SGCD: variants seen among roughly 807,000 people sequenced by gnomAD.
SGCD encodes delta-sarcoglycan.
A neutral mutation model predicts 36.6 loss-of-function variants in SGCD; 18 were observed. The observed-to-expected ratio is 0.49, with a 90% CI of 0.34 to 0.73. SGCD has a LOEUF of 0.73. Ranked by LOEUF, SGCD falls within the 30% of genes least tolerant of loss-of-function variation. SGCD has a pLI of 0.01. For missense variants in SGCD, 387 were observed against 346.7 expected (o/e 1.12, Z -0.92); for synonymous variants, 133 against 130.6 (o/e 1.02, Z -0.12).
chr5:156,757,667 G>A lies in SGCD; in HGVS notation c.662G>A (p.Cys221Tyr), dbSNP rs1561899959. Reference sequence around the variant, plus strand: ...GAAGCTGGCAATATGGAAGCCACCTGCAGGACAGAGCTGAGACTGGAATCC... The same window carrying A: ...GAAGCTGGCAATATGGAAGCCACCTACAGGACAGAGCTGAGACTGGAATCC... ...NAEAGNMEAT[C>Y]RTELRLESKD... is the part of the protein sequence containing the mutation. The change falls in exon 8 of 9, where the codon TGC becomes TAC. Residue 221 changes from cysteine to tyrosine, a missense_variant. Physicochemically the swap from Cys to Tyr is radical, Grantham distance 194. Coordinates refer to ENST00000337851, the MANE Select transcript of SGCD (RefSeq NM_000337.6). The A allele has an allele frequency of 1.2e-6, 2 of 1,608,912 alleles. No homozygotes were observed. Among genetic ancestry groups the A allele is most frequent in the South Asian group, 1.1e-5 (1 of 89,664 alleles).
intron 1 of SGCD, among the ~76,000 whole-genome samples, chr5:156,043,935 C>G (rs1759699742): frequency 6.6e-6 from 1 of 151,984 alleles, no homozygotes; most frequent in African/African-American, 2.4e-5. Context: ...GGGTAAAACA[C>G]TGGAGAAAAC....
intron 3 of SGCD, among the ~76,000 whole-genome samples, chr5:156,267,484 T>G (rs1412125484): frequency 6.6e-6 from 1 of 152,232 alleles, no homozygotes. Flanking sequence ...TTGATAATTC[T>G]GACCTGCCGG....
intron 3 of SGCD, among the ~76,000 whole-genome samples, chr5:156,126,984 C>T (rs1762187879): frequency 6.6e-6 from 1 of 152,072 alleles, no homozygotes. Context: ...AATTCATGTG[C>T]TTTGCTAAAA....
At chr5:156,054,435 G>A (rs112068414) in intron 1 of SGCD, among the ~76,000 whole-genome samples, 9,728 of 144,242 alleles carry the variant, frequency 0.067, 1,458 homozygotes, top group African/African-American at 0.22. Flanking sequence ...ACAGGCACCC[G>A]CCACCACGCC....
intron 3 of SGCD, among the ~76,000 whole-genome samples, chr5:156,202,224 T>C (rs1764169446): frequency 1.3e-5 from 2 of 152,214 alleles, no homozygotes; most frequent in Non-Finnish European, 2.9e-5. Context: ...GATGGTTTCC[T>C]TAAACTGGAT....
chr5:155,964,907 A>G (rs1757872983), intron 1 of SGCD, among the ~76,000 whole-genome samples: 1 of 152,128 alleles, frequency 6.6e-6, no homozygotes, highest in South Asian at 2.1e-4. Context: ...AGCTATTTGT[A>G]CAAATGAATG....
At chr5:155,799,841 G>T in the SGCD span, among the ~76,000 whole-genome samples, 5,413 of 91,870 alleles carry the variant, frequency 0.059, 179 homozygotes, top group Middle Eastern at 0.19. Context: ...TTTTTTTGGA[G>T]ATGGAGTCTC....
At chr5:156,515,568 C>T (rs1160311572) in intron 4 of SGCD, among the ~76,000 whole-genome samples, 1 of 152,110 alleles carries the variant, frequency 6.6e-6, no homozygotes, top group African/African-American at 2.4e-5. Context: ...GAGTTCCCGC[C>T]CCCAGCCAAA....
At chr5:156,034,503 T>C (rs1759440500) in intron 1 of SGCD, among the ~76,000 whole-genome samples, 1 of 152,210 alleles carries the variant, frequency 6.6e-6, no homozygotes, top group Admixed American at 6.5e-5. Context: ...TCTTCATCTG[T>C]AAAAGAGGGC....
chr5:156,242,354 G>A (rs2127656773), intron 3 of SGCD, among the ~76,000 whole-genome samples: 1 of 152,248 alleles, frequency 6.6e-6, no homozygotes, highest in South Asian at 2.1e-4. Context: ...GATGAGTGTG[G>A]CTGTAAAAAG....
chr5:155,837,314 C>T, the SGCD span, among the ~76,000 whole-genome samples: 13 of 152,044 alleles, frequency 8.6e-5, no homozygotes, highest in African/African-American at 2.7e-4. Context: ...CCCACCACCA[C>T]GCCTGGCTAA....
chr5:156,158,126 G>A (rs11739922), intron 3 of SGCD, among the ~76,000 whole-genome samples: 83,503 of 150,642 alleles, frequency 0.55, 25,209 homozygotes, highest in East Asian at 0.94. Context: ...ACTATGCATT[G>A]AGTGCTGGAG....
At chr5:156,648,164 G>A (rs188209545) in intron 7 of SGCD, among the ~76,000 whole-genome samples, 25 of 151,784 alleles carry the variant, frequency 1.6e-4, no homozygotes, top group Admixed American at 6.6e-4. Context: ...TGTCCCTCCC[G>A]CCAAAATGTA....
chr5:156,497,407 G>A (rs1384505398), intron 3 of SGCD, among the ~76,000 whole-genome samples: 1 of 152,124 alleles, frequency 6.6e-6, no homozygotes, highest in Non-Finnish European at 1.5e-5. Context: ...AGAAAGTGTA[G>A]AGCAAAGAAT....
At chr5:156,498,491 T>C (rs927452924) in intron 3 of SGCD, among the ~76,000 whole-genome samples, 11 of 152,196 alleles carry the variant, frequency 7.2e-5, no homozygotes, top group Admixed American at 1.3e-4. Context: ...GATTTTCATT[T>C]CTGGACAATA....
chr5:156,072,568 T>A (rs1760614520), intron 1 of SGCD, among the ~76,000 whole-genome samples: 1 of 152,072 alleles, frequency 6.6e-6, no homozygotes, highest in Non-Finnish European at 1.5e-5. Context: ...TTAACATTTT[T>A]TCCTTCATTT....
At chr5:156,677,687 A>G (rs530159747) in intron 7 of SGCD, among the ~76,000 whole-genome samples, 4 of 152,144 alleles carry the variant, frequency 2.6e-5, no homozygotes, top group Non-Finnish European at 5.9e-5. Flanking sequence ...TAAAGTATAT[A>G]GATAAAAAAA....
intron 1 of SGCD, among the ~76,000 whole-genome samples, chr5:156,098,840 GTC>G (rs1344466212): frequency 6.6e-6 from 1 of 152,344 alleles, no homozygotes; most frequent in Admixed American, 6.5e-5. Flanking sequence ...CTGTAGCTGA[GTC>G]TCTCTTGCCA....
intron 3 of SGCD, among the ~76,000 whole-genome samples, chr5:156,423,148 T>G (rs1773401048): frequency 1.8e-5 from 1 of 54,090 alleles, no homozygotes; most frequent in Non-Finnish European, 3.1e-5. Context: ...TAATATTTAA[T>G]TAATTATTTA....
Sources: gnomAD v4.1 joint callset for allele counts (sites outside exome capture counted in the v4.1 genomes callset) on GRCh38, gnomAD v4.1.1 for gene constraint, MANE v1.5 for transcripts, NCBI Gene and HGNC (gene_info 2026-07-23, HGNC 2026-07-21) for gene names.